Variants in PLA2G5 observed in about 807,000 individuals in gnomAD.
PLA2G5 encodes the protein phospholipase A2 group V.
PLA2G5 carries 12 observed loss-of-function variants against 15.9 expected under a neutral mutation model. The ratio of observed to expected loss-of-function variants is 0.76; its 90% CI spans 0.48 to 1.23. The LOEUF (loss-of-function observed/expected upper bound fraction) is 1.23. Among genes scored for constraint, PLA2G5 ranks in the 50% most tolerant of loss-of-function variants. The pLI is 0.00. For missense variants in PLA2G5, 169 were observed against 177.1 expected (o/e 0.95, Z 0.26); for synonymous variants, 71 against 71.4 (o/e 0.99, Z 0.03).
chr1:20,090,618 G>C lies in PLA2G5; in HGVS notation c.343G>C (p.Val115Leu), dbSNP rs183088076. ...VNLCACDRKL[V>L]YCLKRNLRSY... Reference sequence around the variant, plus strand: ...CCTCTGTGCCTGTGACCGGAAGCTCGTCTACTGCCTCAAGAGAAACCTACG... The same window carrying C: ...CCTCTGTGCCTGTGACCGGAAGCTCCTCTACTGCCTCAAGAGAAACCTACG... Residue 115 changes from valine (V) to leucine (L), a missense_variant, in exon 5 of 5, where the codon GTC (valine) becomes CTC (leucine). Val to Leu is a conservative substitution (Grantham distance 32). Coordinates refer to ENST00000375108, the MANE Select transcript of PLA2G5 (RefSeq NM_000929.3). 9.1e-5 allele frequency: 147 copies of C among 1,613,858 alleles called. No homozygotes were observed. The highest frequency in any genetic ancestry group is 1.6e-4 in the Middle Eastern group (1 of 6,084).
chr1:20,060,234 T>TTACC, intron 2 of PLA2G5, among the ~76,000 whole-genome samples: 1 of 146,928 alleles, frequency 6.8e-6, no homozygotes, highest in Non-Finnish European at 1.5e-5. Context: ...ATTTACTGAC[T>TTACC]TTCTTTTTTC....
At chr1:20,040,177 C>T (rs2013514208) in intron 1 of PLA2G5, among the ~76,000 whole-genome samples, 1 of 152,180 alleles carries the variant, frequency 6.6e-6, no homozygotes, top group African/African-American at 2.4e-5. Flanking sequence ...ATACCCTTTG[C>T]TATAGTATAG....
At chr1:20,038,618 A>G (rs1011896186) in intron 1 of PLA2G5, among the ~76,000 whole-genome samples, 2 of 152,172 alleles carry the variant, frequency 1.3e-5, no homozygotes, top group Non-Finnish European at 2.9e-5. Flanking sequence ...CCCCATCTCT[A>G]CAAGAAATAA....
At chr1:20,072,549 C>G (rs1269596802) in intron 1 of PLA2G5, among the ~76,000 whole-genome samples, 1 of 152,064 alleles carries the variant, frequency 6.6e-6, no homozygotes, top group African/African-American at 2.4e-5. Context: ...GAACTAAAAG[C>G]CTTCACATCC....
chr1:20,033,579 C>A (rs529071531), intron 1 of PLA2G5, among the ~76,000 whole-genome samples: 1 of 152,090 alleles, frequency 6.6e-6, no homozygotes, highest in East Asian at 1.9e-4. Flanking sequence ...GTGGCCACAC[C>A]CAATATTTTT....
intron 2 of PLA2G5, among the ~76,000 whole-genome samples, chr1:20,062,389 A>G (rs962287260): frequency 6.6e-6 from 1 of 152,160 alleles, no homozygotes; most frequent in Non-Finnish European, 1.5e-5. Flanking sequence ...TTTAAAACCA[A>G]TGCGGAGTTC....
At chr1:20,049,468 G>A (rs1464484218) in intron 1 of PLA2G5, among the ~76,000 whole-genome samples, 1 of 152,018 alleles carries the variant, frequency 6.6e-6, no homozygotes. Context: ...ATTTGGCTCT[G>A]TGTCCCCACC....
At chr1:20,052,220 A>T (rs1345931193) in intron 1 of PLA2G5, among the ~76,000 whole-genome samples, 3 of 149,828 alleles carry the variant, frequency 2.0e-5, no homozygotes, top group African/African-American at 7.3e-5. Context: ...ATGAAAAATT[A>T]TGTTTCAAAA....
At chr1:20,067,532 C>T (rs932831252), upstream of PLA2G5, among the ~76,000 whole-genome samples, 2 of 151,716 alleles carry the variant, frequency 1.3e-5, no homozygotes, top group Admixed American at 6.6e-5. Context: ...TACAAAAATA[C>T]AAAAAATTAG....
At chr1:20,062,745 C>T (rs763714191) in intron 2 of PLA2G5, among the ~76,000 whole-genome samples, 4 of 152,160 alleles carry the variant, frequency 2.6e-5, no homozygotes, top group Non-Finnish European at 2.9e-5. Context: ...ATGGAAGGGG[C>T]GCTGTCAATG....
chr1:20,054,678 T>C (rs1165553603), intron 1 of PLA2G5: 1 of 152,194 alleles, frequency 6.6e-6, no homozygotes, highest in East Asian at 1.9e-4. Flanking sequence ...GGATGTACTA[T>C]AATTTTTCCA....
chr1:20,043,350 T>C (rs2013720723), intron 1 of PLA2G5, among the ~76,000 whole-genome samples: 1 of 152,192 alleles, frequency 6.6e-6, no homozygotes, highest in Non-Finnish European at 1.5e-5. Flanking sequence ...AGAGAGTTTA[T>C]AGGCTTTAGG....
intron 1 of PLA2G5, among the ~76,000 whole-genome samples, chr1:20,055,271 T>C (rs967096027): frequency 6.6e-6 from 1 of 152,210 alleles, no homozygotes; most frequent in African/African-American, 2.4e-5. Flanking sequence ...GAACTATGTC[T>C]CCCAGAATTC....
chr1:20,029,723 C>T (rs1569599753), intron 1 of PLA2G5, among the ~76,000 whole-genome samples: 1 of 152,214 alleles, frequency 6.6e-6, no homozygotes, highest in South Asian at 2.1e-4. Context: ...GTCCTGCGAA[C>T]AGGGGATGAT....
At chr1:20,077,518 G>A (rs3767226) in intron 1 of PLA2G5, among the ~76,000 whole-genome samples, 2 of 152,070 alleles carry the variant, frequency 1.3e-5, no homozygotes, top group African/African-American at 4.8e-5. Context: ...TTACAGAGGC[G>A]AAGCAGACGC....
At chr1:20,070,935 C>A (rs2015337079) in intron 1 of PLA2G5, 1 of 152,146 alleles carries the variant, frequency 6.6e-6, no homozygotes, top group Admixed American at 6.5e-5. Flanking sequence ...AGAAAGAAAC[C>A]CAGAGGAGGG....
At chr1:20,075,017 T>C (rs576811321) in intron 1 of PLA2G5, among the ~76,000 whole-genome samples, 1 of 152,312 alleles carries the variant, frequency 6.6e-6, no homozygotes, top group East Asian at 1.9e-4. Context: ...CTAGGAACCC[T>C]CGTTCTGGGC....
At position 20,091,789 on chromosome 1, in the gene PLA2G5, G is replaced by T. The variant is rs1014236213; in HGVS notation, c.*1097G>T. Among the ~76,000 whole-genome samples the T allele has an allele frequency of 1.3e-5, 2 of 151,902 alleles. No individual in the cohort carries two copies. Among genetic ancestry groups the T allele is most frequent in the Admixed American group, 1.3e-4 (2 of 15,230 alleles). ...ACAAAGGAACATCCTTCCAAGAAAG[G>T]ACCTATGGCTTCTTTATTCCGACAT... On this transcript the variant is annotated 3_prime_UTR_variant, in exon 5 of 5. Coordinates refer to ENST00000375108, the MANE Select transcript of PLA2G5 (RefSeq NM_000929.3).
In PLA2G5 at chr1:20,086,122, C is replaced by A. The variant is rs1198697466; in HGVS notation, c.80C>A (p.Ser27Ter). 6.2e-7 allele frequency: 1 copy of A among 1,613,972 alleles called. No individual in the cohort carries two copies. Among genetic ancestry groups the A allele is most frequent in the African/African-American group, 1.3e-5 (1 of 74,906 alleles). Residue 27 changes from serine to a stop codon, truncating the protein, a stop_gained, in exon 3 of 5, where the codon TCA becomes TAA. Transcript: ENST00000375108. LOFTEE classifies it high-confidence loss of function. ...CAAGGAGGCTTGCTGGACCTAAAAT[C>A]AATGATCGAGAAGGTGACAGGGAAG... ...AVQGGLLDLK[S>*]MIEKVTGKNA...
Sources: allele counts gnomAD v4.1 joint callset (sites outside exome capture counted in the v4.1 genomes callset), GRCh38; gene constraint gnomAD v4.1.1; transcripts MANE v1.5; gene names NCBI Gene and HGNC (gene_info 2026-07-23, HGNC 2026-07-21).